Variants in TENM3 observed in about 807,000 individuals in gnomAD.
TENM3 encodes the protein teneurin transmembrane protein 3.
A neutral mutation model predicts 255.1 loss-of-function variants in TENM3; 63 were observed. That is an observed-to-expected ratio of 0.25 (90% CI 0.20 to 0.30). TENM3 has a LOEUF of 0.30. TENM3 is among the 10% of genes least tolerant of loss of function. The pLI is 1.00. For missense variants in TENM3, 2,929 were observed against 3,461.1 expected (o/e 0.85, Z 3.86); for synonymous variants, 1,306 against 1,322.3 (o/e 0.99, Z 0.27).
At chr4:182,042,431 GTGTACAGTAACA>G in the TENM3 span, among the ~76,000 whole-genome samples, 2 of 152,166 alleles carry the variant, frequency 1.3e-5, no homozygotes, top group Non-Finnish European at 2.9e-5. Context: ...CTCAGGATGA[GTGTACAGTAACA>G]TGTCCAGAAG....
At chr4:181,447,697 G>C in the TENM3 span, among the ~76,000 whole-genome samples, 1 of 152,110 alleles carries the variant, frequency 6.6e-6, no homozygotes, top group Non-Finnish European at 1.5e-5. Context: ...GAAGGCCTAG[G>C]CACAACCCGC....
chr4:181,832,517 T>C, the TENM3 span, among the ~76,000 whole-genome samples: 1 of 152,168 alleles, frequency 6.6e-6, no homozygotes. Context: ...CTCTTAGCTC[T>C]CTCCACCTCC....
the TENM3 span, among the ~76,000 whole-genome samples, chr4:182,041,234 T>C: frequency 1.2e-4 from 18 of 152,242 alleles, no homozygotes; most frequent in African/African-American, 4.1e-4. Flanking sequence ...TACACATACG[T>C]TATAGATCTT....
chr4:181,716,598 C>A, the TENM3 span, among the ~76,000 whole-genome samples: 1 of 152,170 alleles, frequency 6.6e-6, no homozygotes, highest in African/African-American at 2.4e-5. Context: ...TTTTTCTTAA[C>A]TTCTCTGTGC....
the TENM3 span, among the ~76,000 whole-genome samples, chr4:182,091,492 G>A: frequency 6.6e-6 from 1 of 152,156 alleles, no homozygotes. Flanking sequence ...AAGGAAAGAG[G>A]TGAGGTTTTG....
chr4:182,492,857 AT>A (rs1246900852), intron 3 of TENM3, among the ~76,000 whole-genome samples: 15 of 151,998 alleles, frequency 9.9e-5, no homozygotes, highest in African/African-American at 3.4e-4. Flanking sequence ...AGACTATTGC[AT>A]ATTTACTAAA....
intron 24 of TENM3, among the ~76,000 whole-genome samples, chr4:182,777,871 AT>A (rs2152804586): frequency 6.8e-6 from 1 of 147,044 alleles, no homozygotes. Flanking sequence ...ATATATATAT[AT>A]ATGTTTAAAA....
the TENM3 span, among the ~76,000 whole-genome samples, chr4:181,711,882 T>A: frequency 1.3e-5 from 2 of 152,076 alleles, no homozygotes; most frequent in Non-Finnish European, 2.9e-5. Flanking sequence ...AAAGGGTTGT[T>A]GTGAAGAGCA....
chr4:181,942,476 G>T, the TENM3 span, among the ~76,000 whole-genome samples: 1 of 152,068 alleles, frequency 6.6e-6, no homozygotes. Flanking sequence ...TGAGGGACCA[G>T]TGGGGTGGCT....
At chr4:181,952,961 T>C in the TENM3 span, among the ~76,000 whole-genome samples, 1 of 152,212 alleles carries the variant, frequency 6.6e-6, no homozygotes, top group Admixed American at 6.5e-5. Flanking sequence ...CAACAGTCAT[T>C]GTGGCCATGG....
At chr4:181,875,507 A>G in the TENM3 span, among the ~76,000 whole-genome samples, 222 of 151,970 alleles carry the variant, frequency 1.5e-3, 1 homozygote, top group African/African-American at 5.1e-3. Flanking sequence ...AATGTGGTCA[A>G]AATGTGTCTT....
At chr4:181,512,393 CT>C in the TENM3 span, among the ~76,000 whole-genome samples, 4 of 152,170 alleles carry the variant, frequency 2.6e-5, no homozygotes, top group Non-Finnish European at 4.4e-5. Context: ...AGAGCCCCCT[CT>C]TTTTTTCTTA....
intron 19 of TENM3, among the ~76,000 whole-genome samples, chr4:182,747,659 G>A (rs900620019): frequency 1.1e-4 from 17 of 152,138 alleles, no homozygotes; most frequent in African/African-American, 3.4e-4. Flanking sequence ...ACTTAAACAT[G>A]TAGAACTAAA....
chr4:182,034,669 T>G, the TENM3 span, among the ~76,000 whole-genome samples: 8 of 152,310 alleles, frequency 5.3e-5, no homozygotes, highest in African/African-American at 1.9e-4. Context: ...TATGAAATTT[T>G]GGGTTGGAAA....
At chr4:181,953,901 A>G in the TENM3 span, among the ~76,000 whole-genome samples, 2 of 152,152 alleles carry the variant, frequency 1.3e-5, no homozygotes, top group Non-Finnish European at 2.9e-5. Context: ...GTACGTTTCC[A>G]TCACCCTGAA....
chr4:182,710,185 AC>A (rs1434564245), intron 12 of TENM3, among the ~76,000 whole-genome samples: 1 of 152,212 alleles, frequency 6.6e-6, no homozygotes, highest in African/African-American at 2.4e-5. Context: ...ATTTTTGTAA[AC>A]TAAGAATTTC....
At chr4:182,026,469 G>A in the TENM3 span, among the ~76,000 whole-genome samples, 8 of 152,090 alleles carry the variant, frequency 5.3e-5, no homozygotes, top group African/African-American at 1.9e-4. Context: ...AACTTGATGT[G>A]ATCCCATTTA....
the TENM3 span, among the ~76,000 whole-genome samples, chr4:181,493,260 C>T: frequency 6.8e-6 from 1 of 146,158 alleles, no homozygotes; most frequent in Non-Finnish European, 1.5e-5. Context: ...CATGTCACTG[C>T]ACTTCAGCCT....
intron 1 of TENM3, among the ~76,000 whole-genome samples, chr4:182,316,202 G>A (rs898103626): frequency 6.6e-6 from 1 of 152,158 alleles, no homozygotes; most frequent in African/African-American, 2.4e-5. Context: ...TTGCTGTTGT[G>A]CAAAAAGAAG....
Sources: allele counts gnomAD v4.1 joint callset (sites outside exome capture counted in the v4.1 genomes callset), GRCh38; gene constraint gnomAD v4.1.1; transcripts MANE v1.5; gene names NCBI Gene and HGNC (gene_info 2026-07-23, HGNC 2026-07-21).